The following RGS7 variants were observed in gnomAD, a reference collection of about 807,000 sequenced individuals.
RGS7 encodes regulator of G protein signaling 7.
Under a neutral mutation model 81.1 loss-of-function variants are expected in RGS7, and 27 were observed. The observed-to-expected ratio is 0.33, with a 90% CI of 0.25 to 0.46. The LOEUF is 0.46. Among genes scored for constraint, RGS7 ranks in the 20% least tolerant of loss-of-function variants. RGS7 has a pLI of 1.00. For synonymous variants in RGS7, 208 were observed against 207.7 expected, an observed-to-expected ratio of 1.00 and a Z score of -0.01; for missense variants, 396 against 607.4, an observed-to-expected ratio of 0.65 and a Z score of 3.66.
chr1:241,191,001 G>C (rs970943742), intron 2 of RGS7, among the ~76,000 whole-genome samples: 2 of 134,442 alleles, frequency 1.5e-5, no homozygotes, highest in Non-Finnish European at 3.2e-5. Flanking sequence ...TTTTTTTTTT[G>C]CGACGGAGTC....
chr1:240,992,407 G>A (rs1426181035), intron 3 of RGS7, among the ~76,000 whole-genome samples: 1 of 152,130 alleles, frequency 6.6e-6, no homozygotes, highest in Non-Finnish European at 1.5e-5. Flanking sequence ...AGGAAGCTGA[G>A]GCAGGAGAAT....
intron 3 of RGS7, among the ~76,000 whole-genome samples, chr1:241,089,929 G>T (rs2063762508): frequency 6.8e-6 from 1 of 148,126 alleles, no homozygotes; most frequent in African/African-American, 2.5e-5. Context: ...GGGAGGTGGA[G>T]CTTGAAGTGA....
At chr1:240,834,300 G>A (rs965040920) in intron 9 of RGS7, among the ~76,000 whole-genome samples, 2 of 151,988 alleles carry the variant, frequency 1.3e-5, no homozygotes, top group Non-Finnish European at 2.9e-5. Context: ...ATTCCTATTA[G>A]GCCTCATTTG....
chr1:240,912,943 C>A (rs1672007480), intron 6 of RGS7, among the ~76,000 whole-genome samples: 1 of 152,094 alleles, frequency 6.6e-6, no homozygotes, highest in Non-Finnish European at 1.5e-5. Context: ...GACTACAAGC[C>A]TGCATACTTA....
intron 9 of RGS7, among the ~76,000 whole-genome samples, chr1:240,837,079 G>A (rs1279158853): frequency 1.3e-5 from 2 of 152,196 alleles, no homozygotes; most frequent in Non-Finnish European, 2.9e-5. Context: ...CTTCTTTGTG[G>A]TCACTGGGAT....
At chr1:241,155,617 A>G (rs116496755) in intron 2 of RGS7, among the ~76,000 whole-genome samples, 1,874 of 152,162 alleles carry the variant, frequency 0.012, 38 homozygotes, top group African/African-American at 0.042. Flanking sequence ...GGCTGTTACA[A>G]AAGTTAAACC....
chr1:241,023,685 T>C (rs1483529908), intron 3 of RGS7, among the ~76,000 whole-genome samples: 2 of 152,248 alleles, frequency 1.3e-5, no homozygotes, highest in African/African-American at 4.8e-5. Context: ...AACATCTTCC[T>C]TGCCTGTTTA....
At chr1:240,967,518 C>T (rs888015885) in intron 4 of RGS7, among the ~76,000 whole-genome samples, 9 of 148,618 alleles carry the variant, frequency 6.1e-5, no homozygotes, top group Middle Eastern at 7.0e-3. Flanking sequence ...CGTAATACCC[C>T]GGGCACAAGC....
chr1:241,007,614 A>G (rs2058738975), intron 3 of RGS7, among the ~76,000 whole-genome samples: 1 of 152,196 alleles, frequency 6.6e-6, no homozygotes, highest in African/African-American at 2.4e-5. Context: ...TTTGACTAGA[A>G]AGTGAAATCA....
chr1:240,786,146 A>T (rs1685024466), intron 18 of RGS7, among the ~76,000 whole-genome samples: 1 of 152,212 alleles, frequency 6.6e-6, no homozygotes, highest in Admixed American at 6.5e-5. Flanking sequence ...TTTTTCCATA[A>T]TAAAACCAGT....
chr1:240,970,939 G>A lies in RGS7; in HGVS notation c.226+12140C>T, dbSNP rs12567581. Among the ~76,000 whole-genome samples the A allele has an allele frequency of 9.2e-5, 14 of 152,110 alleles. No individual in the cohort carries two copies. In the East Asian group the frequency reaches 1.2e-3, roughly 13 times the overall value. On this transcript the variant is annotated intron_variant, in intron 4 of 18. Transcript: ENST00000440928. ...GGTTGCAGTGAGCTGATATTGCACC[G>A]CTGCACTCCAGCCTGCATGATACAG...
chr1:241,315,183 G>A (rs2080801207), intron 2 of RGS7, among the ~76,000 whole-genome samples: 1 of 140,572 alleles, frequency 7.1e-6, no homozygotes, highest in Non-Finnish European at 1.5e-5. Context: ...GGAGAGAGGA[G>A]TGCCAGAAAT....
chr1:241,154,330 A>C (rs1252733810), intron 2 of RGS7, among the ~76,000 whole-genome samples: 1 of 152,090 alleles, frequency 6.6e-6, no homozygotes, highest in Non-Finnish European at 1.5e-5. Context: ...GAAGAATCTC[A>C]GGCAGCAAGA....
At chr1:240,870,477 C>T (rs1179519763) in intron 6 of RGS7, among the ~76,000 whole-genome samples, 1 of 151,946 alleles carries the variant, frequency 6.6e-6, no homozygotes, top group Non-Finnish European at 1.5e-5. Context: ...GTAGCTGGGA[C>T]TATAGGCGTG....
Position 240,868,522 on chromosome 1 carries a change from G to A in RGS7, c.609+65C>T. 7.1e-7 allele frequency: 1 copy of A among 1,405,580 alleles called. No homozygotes were observed. The highest frequency in any genetic ancestry group is 1.0e-6 in the Non-Finnish European group (1 of 991,410). The allele number at this position is 1,405,580 out of a possible 1,614,324, so 87.1% of individuals were successfully genotyped here. On this transcript the variant is annotated intron_variant, in intron 9 of 18. Coordinates refer to ENST00000440928, the MANE Select transcript of RGS7 (RefSeq NM_001364886.1). This position sits in a 1 kb window ranked among gnomAD's most constrained non-coding sequence, Gnocchi z 5.1. ...CTACAGTCTTTCACTTACTTTGGCA[G>A]GGCACCCCTCACTTCCCACAGACGG... is the stretch of plus-strand genomic sequence containing the variant.
chr1:241,289,457 A>T (rs1300633702), intron 2 of RGS7, among the ~76,000 whole-genome samples: 1 of 152,140 alleles, frequency 6.6e-6, no homozygotes, highest in Non-Finnish European at 1.5e-5. Context: ...GATAGTGCTC[A>T]CCACATTTTA....
intron 2 of RGS7, among the ~76,000 whole-genome samples, chr1:241,310,401 TTG>T (rs974835865): frequency 1.2e-4 from 18 of 148,316 alleles, no homozygotes; most frequent in Non-Finnish European, 1.8e-4. Flanking sequence ...GTGAGTGTGT[TTG>T]TGTGTCTGTG....
intron 3 of RGS7, among the ~76,000 whole-genome samples, chr1:241,091,921 A>T (rs1388070516): frequency 1.3e-5 from 2 of 152,166 alleles, no homozygotes; most frequent in East Asian, 1.9e-4. Context: ...TTTATTATTT[A>T]AAAAAATCTC....
At chr1:241,088,940 G>A (rs1429433624) in intron 3 of RGS7, among the ~76,000 whole-genome samples, 1 of 150,258 alleles carries the variant, frequency 6.7e-6, no homozygotes, top group Non-Finnish European at 1.5e-5. Flanking sequence ...GAACCTGGCA[G>A]GCGGAAGTTG....
Sources: gnomAD v4.1 joint callset for allele counts (sites outside exome capture counted in the v4.1 genomes callset) on GRCh38, gnomAD v4.1.1 for gene constraint, Gnocchi (gnomAD v3.1) non-coding constraint, MANE v1.5 for transcripts, NCBI Gene and HGNC (gene_info 2026-07-23, HGNC 2026-07-21) for gene names.